The following VWA5B1 variants were observed in gnomAD, a reference collection of about 807,000 sequenced individuals.
VWA5B1 encodes the protein von Willebrand factor A domain-containing protein 5B1.
Under a neutral mutation model 118.2 loss-of-function variants are expected in VWA5B1, and 115 were observed. That is an observed-to-expected ratio of 0.97 (90% CI 0.84 to 1.14). The LOEUF (loss-of-function observed/expected upper bound fraction) is 1.14. Ranked by LOEUF, VWA5B1 falls within the 50% of genes most tolerant of loss-of-function variation. The pLI, the probability that VWA5B1 is intolerant of heterozygous loss-of-function variation, is 0.00. For missense variants in VWA5B1, 1,596 were observed against 1,603.8 expected (o/e 1.00, Z 0.08); for synonymous variants, 682 against 658.4 (o/e 1.04, Z -0.55).
At chr1:20,327,132 A>G (rs982176702) in intron 8 of VWA5B1, among the ~76,000 whole-genome samples, 1 of 151,668 alleles carries the variant, frequency 6.6e-6, no homozygotes, top group African/African-American at 2.4e-5. Context: ...CTGGGGTTAC[A>G]TGGGTTATGT....
At position 20,342,348 on chromosome 1, in the gene VWA5B1, C is replaced by T. The variant is rs533868513; in HGVS notation, c.2134-84C>T. 2.0e-5 allele frequency: 29 copies of T among 1,425,738 alleles called. No individual in the cohort carries two copies. The African/African-American group carries it at 2.4e-4, about 12-fold the overall frequency. 88.3% of individuals were successfully genotyped at this position (1,425,738 alleles called of 1,614,324 possible). On this transcript the variant is annotated intron_variant, in intron 14 of 21. Coordinates refer to ENST00000289815, the MANE Select transcript of VWA5B1 (RefSeq NM_001039500.3). ...GGAGCAGAAGGAAGGAGGGTCCAGC[C>T]ACCAGGAGCTCTTCCTCCTCCTTCT...
In VWA5B1 at chr1:20,339,835, C is replaced by T. The variant is rs181207501; in HGVS notation, c.2133+1999C>T. On this transcript the variant is annotated intron_variant, in intron 14 of 21. Coordinates refer to ENST00000289815, the MANE Select transcript of VWA5B1 (RefSeq NM_001039500.3). ...GGCTGACTCTGATCCTCAAACATGT[C>T]ACTCCACTCTCTGAGCCCCAGCTGC... 2.6e-5 allele frequency among the ~76,000 whole-genome samples: 4 copies of T among 152,300 alleles called. No individual in the cohort carries two copies. The East Asian group carries it at 7.7e-4, about 29-fold the overall frequency.
rs1182214142 is a variant in VWA5B1 at position 20,355,376 on chromosome 1, T to G, written c.*1113T>G. ...CACTGTGTGATGCCTACATGGGGAA[T>G]GGCGTGCTGTGGCCGCAGATACCCT... On this transcript the variant is annotated 3_prime_UTR_variant, in exon 22 of 22. Coordinates refer to ENST00000289815, the MANE Select transcript of VWA5B1 (RefSeq NM_001039500.3). Among the ~76,000 whole-genome samples, 1 of 152,208 alleles carries G rather than the reference T, an allele frequency of 6.6e-6. No homozygotes were observed. The highest frequency in any genetic ancestry group is 2.4e-5 in the African/African-American group (1 of 41,456).
At position 20,356,233 on chromosome 1, in the gene VWA5B1, C is replaced by G. The variant is rs918439868; in HGVS notation, c.*1970C>G. Reference sequence around the variant, plus strand: ...GGAAAAAAAATGCCAGGTTTTGAGTCAGAACACCCAGACTCAGGTCTCAGC... The same window carrying G: ...GGAAAAAAAATGCCAGGTTTTGAGTGAGAACACCCAGACTCAGGTCTCAGC... On this transcript the variant is annotated 3_prime_UTR_variant, in exon 22 of 22. Coordinates refer to ENST00000289815, the MANE Select transcript of VWA5B1 (RefSeq NM_001039500.3). Among the ~76,000 whole-genome samples, 2 of 152,180 alleles carry G rather than the reference C, an allele frequency of 1.3e-5. No individual in the cohort carries two copies. The highest frequency in any genetic ancestry group is 4.8e-5 in the African/African-American group (2 of 41,440).
chr1:20,333,514 A>G (rs183409474), intron 12 of VWA5B1, among the ~76,000 whole-genome samples: 1 of 152,338 alleles, frequency 6.6e-6, no homozygotes, highest in East Asian at 1.9e-4. Context: ...GCTTCCACCC[A>G]GGTCTGTTGA....
intron 1 of VWA5B1, among the ~76,000 whole-genome samples, chr1:20,306,353 G>A (rs1220711081): frequency 2.0e-5 from 3 of 152,094 alleles, no homozygotes; most frequent in Admixed American, 6.5e-5. Flanking sequence ...CTTGAGGGAC[G>A]TGGGGGCCAT....
rs1443613243 is a variant in VWA5B1, at chr1:20,325,679, A to C, written c.1143+2147A>C. Among the ~76,000 whole-genome samples the C allele has an allele frequency of 2.0e-5, 3 of 152,274 alleles. No individual in the cohort carries two copies. The East Asian group carries it at 5.8e-4, about 29-fold the overall frequency. The stretch of plus-strand genomic sequence containing the variant: ...TCCTTTCAGTCCTCTTTCTCCTTGG[A>C]ATCTCTCCTGCCCTTCTCCAGTTCA... On this transcript the variant is annotated intron_variant, in intron 8 of 21. Coordinates refer to ENST00000289815, the MANE Select transcript of VWA5B1 (RefSeq NM_001039500.3).
chr1:20,302,793 G>C (rs1244893969), intron 1 of VWA5B1, among the ~76,000 whole-genome samples: 1 of 152,156 alleles, frequency 6.6e-6, no homozygotes, highest in Admixed American at 6.5e-5. Context: ...GGATGGCTAA[G>C]GAGGGAGAGG....
Position 20,336,382 on chromosome 1 carries a change from C to A in VWA5B1, c.1838C>A (p.Pro613His). 6.5e-7 allele frequency: 1 copy of A among 1,527,066 alleles called. No individual in the cohort carries two copies. Among genetic ancestry groups the A allele is most frequent in the South Asian group, 1.3e-5 (1 of 77,804 alleles). The allele number at this position is 1,527,066 out of a possible 1,614,324, so 94.6% of individuals were successfully genotyped here. The change falls in exon 13 of 22, where the codon CCC (proline) becomes CAC (histidine). Residue 613 changes from proline (P) to histidine (H), a missense_variant. By Grantham distance (77) the Pro-to-His change is moderately conservative. Transcript: ENST00000289815. ...TTCTACCACTCTCAGGATGACGGAC[C>A]CGGGCTGGAAGGTGGAGACTGTGCC... ...SVFYHSQDDG[P>H]GLEGGDCAKN...
rs998379565 is a variant in VWA5B1, at chr1:20,318,655, A to G, written c.775A>G (p.Ile259Val). 1.3e-6 allele frequency: 2 copies of G among 1,549,694 alleles called. No homozygotes were observed. The highest frequency in any genetic ancestry group is 2.0e-5 in the Admixed American group (1 of 50,826). ...AAPSARSAKS[I>V]IITLANKHTF... is the part of the protein sequence containing the mutation. ...CCCATCTGCCCGCTCGGCCAAGAGC[A>G]TCATCATCACCTTGGCCAACAAGCA... Residue 259 changes from isoleucine to valine, a missense_variant, in exon 6 of 22, where the codon ATC becomes GTC. Physicochemically the swap from Ile to Val is conservative, Grantham distance 29. Coordinates refer to ENST00000289815, the MANE Select transcript of VWA5B1 (RefSeq NM_001039500.3).
intron 7 of VWA5B1, among the ~76,000 whole-genome samples, chr1:20,321,969 C>G (rs2089232515): frequency 6.6e-6 from 1 of 152,176 alleles, no homozygotes; most frequent in Non-Finnish European, 1.5e-5. Context: ...AACAGTCGCT[C>G]TGGCTGCTCT....
At chr1:20,292,334 T>C (rs762815756) in intron 1 of VWA5B1, among the ~76,000 whole-genome samples, 2 of 152,052 alleles carry the variant, frequency 1.3e-5, no homozygotes, top group Non-Finnish European at 2.9e-5. Context: ...TGAGCTCTGG[T>C]CCTCCTGCTC....
rs2088816837 is a variant in VWA5B1, at chr1:20,310,580, T to G, written c.-22T>G. 6.6e-7 allele frequency: 1 copy of G among 1,515,292 alleles called. No individual in the cohort carries two copies. The highest frequency in any genetic ancestry group is 1.4e-5 in the African/African-American group (1 of 72,204). 93.9% of individuals were successfully genotyped at this position (1,515,292 alleles called of 1,614,324 possible). A position where few individuals can be genotyped will look rare whatever the true frequency, so the allele number is the denominator to read the frequency against. On this transcript the variant is annotated 5_prime_UTR_variant, in exon 2 of 22. An upstream open reading frame in the 5' UTR loses its in-frame stop. Coordinates refer to ENST00000289815, the MANE Select transcript of VWA5B1 (RefSeq NM_001039500.3). The stretch of plus-strand genomic sequence containing the variant: ...TGCCCTTCCTGTGTCTCACAGGTTC[T>G]GAAGGCTGAGTAGCCAGCGGGATGC...
intron 12 of VWA5B1, among the ~76,000 whole-genome samples, chr1:20,333,537 A>C (rs1177051698): frequency 1.3e-5 from 2 of 152,246 alleles, no homozygotes; most frequent in African/African-American, 4.8e-5. Context: ...AAGAATCCCC[A>C]AGGATAAAGC....
intron 18 of VWA5B1, 50 bp downstream of exon 18, chr1:20,348,408 T>C: frequency 1.3e-6 from 2 of 1,539,842 alleles, no homozygotes; most frequent in Non-Finnish European, 1.8e-6. Flanking sequence ...TTCGGAAGCC[T>C]GGGCCCCTGA....
At chr1:20,353,425 G>A (rs1012403518) in intron 21 of VWA5B1, among the ~76,000 whole-genome samples, 1 of 152,156 alleles carries the variant, frequency 6.6e-6, no homozygotes, top group Admixed American at 6.5e-5. Context: ...GACCTGTTGA[G>A]ACTCGGAAAC....
chr1:20,305,864 T>TGAAGG (rs2100819365), intron 1 of VWA5B1, among the ~76,000 whole-genome samples: 1 of 151,966 alleles, frequency 6.6e-6, no homozygotes, highest in African/African-American at 2.4e-5. Context: ...CCTGACCTCA[T>TGAAGG]GGCCAGAGGA....
At chr1:20,332,393 T>C (rs1046524662) in intron 11 of VWA5B1, among the ~76,000 whole-genome samples, 2 of 151,622 alleles carry the variant, frequency 1.3e-5, no homozygotes, top group African/African-American at 4.9e-5. Flanking sequence ...GGCAGCAGAA[T>C]CACCTGAACC....
intron 18 of VWA5B1, 61 bp downstream of exon 18, chr1:20,348,419 G>A (rs1224782273): frequency 6.0e-6 from 9 of 1,511,572 alleles, no homozygotes; most frequent in Non-Finnish European, 5.4e-6. Context: ...GGGCCCCTGA[G>A]GTTACCGCGT....
Sources: allele counts gnomAD v4.1 joint callset (sites outside exome capture counted in the v4.1 genomes callset), GRCh38; gene constraint gnomAD v4.1.1; transcripts MANE v1.5; gene names NCBI Gene and HGNC (gene_info 2026-07-23, HGNC 2026-07-21).